DIP2A: variants seen among roughly 807,000 people sequenced by gnomAD.
DIP2A encodes the protein disco-interacting protein 2 homolog A.
A neutral mutation model predicts 177.4 loss-of-function variants in DIP2A; 85 were observed. That is an observed-to-expected ratio of 0.48 (90% CI 0.40 to 0.57). DIP2A has a LOEUF of 0.57. Among genes scored for constraint, DIP2A ranks in the 20% least tolerant of loss-of-function variants. The probability of loss-of-function intolerance (pLI) is 0.00; values close to 1 mark genes in which losing one functional copy is unlikely to be tolerated. For synonymous variants in DIP2A, 886 were observed against 881.8 expected (o/e 1.00, Z -0.08); for missense variants, 1,791 against 2,100.2 (o/e 0.85, Z 2.88).
chr21:46,557,293 C>G lies in DIP2A; in HGVS notation c.3629+224C>G. 4 of 634,704 alleles carry G rather than the reference C, an allele frequency of 6.3e-6. No individual in the cohort carries two copies. The highest frequency in any genetic ancestry group is 8.0e-6 in the Non-Finnish European group (3 of 374,428). The allele number at this position is 634,704 out of a possible 1,614,324, so 39.3% of individuals were successfully genotyped here. A position where few individuals can be genotyped will look rare whatever the true frequency, so the allele number is the denominator to read the frequency against. The stretch of plus-strand genomic sequence containing the variant: ...GTTATCAGTACTTGGGAAGAATCTG[C>G]TTGATTCCTTCAAACACTAGAAAGT... On this transcript the variant is annotated intron_variant, in intron 30 of 37. Transcript: ENST00000417564. This position sits in a 1 kb window ranked among gnomAD's most constrained non-coding sequence, Gnocchi z 6.0.
chr21:46,473,362 C>G (rs528883921), intron 1 of DIP2A, among the ~76,000 whole-genome samples: 1 of 150,800 alleles, frequency 6.6e-6, no homozygotes. Flanking sequence ...ATTTGATAGG[C>G]CGATGTGGGA....
At position 46,552,108 on chromosome 21, in the gene DIP2A, C is replaced by T. The variant is rs577879980; in HGVS notation, c.3030+204C>T. Among the ~76,000 whole-genome samples, 9 of 152,314 alleles carry T rather than the reference C, an allele frequency of 5.9e-5. No homozygotes were observed. In the South Asian group the frequency reaches 1.0e-3, roughly 18 times the overall value. On this transcript the variant is annotated intron_variant, in intron 25 of 37. Coordinates refer to ENST00000417564, the MANE Select transcript of DIP2A (RefSeq NM_015151.4). ...CAGCCCCCTTGTCTGGTGCGGTTCT[C>T]GCTGCCTGCCCTTTCCTTTCTTGTT... is the stretch of plus-strand genomic sequence containing the variant.
At chr21:46,565,909 C>T in intron 36 of DIP2A, 22 bp downstream of exon 36, 2 of 1,613,064 alleles carry the variant, frequency 1.2e-6, no homozygotes, top group Non-Finnish European at 1.7e-6. Flanking sequence ...TGGTGAAGCC[C>T]TGCGTGAGTG....
In DIP2A at chr21:46,459,228, C is replaced by G. The variant is rs1209698304; in HGVS notation, c.91+6C>G. 3 of 1,521,238 alleles carry G rather than the reference C, an allele frequency of 2.0e-6. No homozygotes were observed. Among genetic ancestry groups the G allele is most frequent in the Non-Finnish European group, 2.6e-6 (3 of 1,135,354 alleles). 94.2% of individuals were successfully genotyped at this position (1,521,238 alleles called of 1,614,324 possible). On this transcript the variant is annotated splice_donor_region_variant and intron_variant, in intron 1 of 37. Transcript: ENST00000417564. ...GGAGCTGGAGCTGTCGGAAGGTGAG[C>G]CGGACCCCGCCCTCAACCCCCGCGA...
rs1459050022 is a variant in DIP2A, at chr21:46,551,832, C to G, written c.2958C>G (p.Phe986Leu). The G allele has an allele frequency of 6.2e-7, 1 of 1,612,706 alleles. No homozygotes were observed. Among genetic ancestry groups the G allele is most frequent in the East Asian group, 2.2e-5 (1 of 44,824 alleles). Residue 986 changes from phenylalanine to leucine, a missense_variant, in exon 25 of 38, where the codon TTC (phenylalanine) becomes TTG (leucine). Transcript: ENST00000417564. The stretch of plus-strand genomic sequence containing the variant: ...GTCGCCCTCTCGTGCAGTTCCTGTT[C>G]CTGGCTGACGTGCTGCAGTGGCGTG... ...EDSDQARKFL[F>L]LADVLQWRAH...
At chr21:46,579,298 G>A in the DIP2A span, among the ~76,000 whole-genome samples, 1 of 152,092 alleles carries the variant, frequency 6.6e-6, no homozygotes, top group Non-Finnish European at 1.5e-5. Context: ...AGGGTCAGTG[G>A]TGATATTCTC....
chr21:46,548,189 T>TGTGC (rs1285051113), intron 21 of DIP2A, among the ~76,000 whole-genome samples: 1 of 149,942 alleles, frequency 6.7e-6, no homozygotes, highest in Non-Finnish European at 1.5e-5. Context: ...TGCGTGTGTG[T>TGTGC]GTGTGTGTGT....
In DIP2A at chr21:46,491,673, T is replaced by C. The variant is rs1409824318; in HGVS notation, c.283+954T>C. ...ATTTCACTGAGCACTGTTGTCCTCA[T>C]GCCTGGATGCAGATGCACGCACACA... On this transcript the variant is annotated intron_variant, in intron 3 of 37. Transcript: ENST00000417564. Among the ~76,000 whole-genome samples the C allele has an allele frequency of 4.6e-5, 7 of 152,216 alleles. No individual in the cohort carries two copies. In the East Asian group the frequency reaches 1.2e-3, roughly 25 times the overall value.
chr21:46,536,431 C>T (rs1406404168), intron 13 of DIP2A, among the ~76,000 whole-genome samples: 1 of 152,196 alleles, frequency 6.6e-6, no homozygotes, highest in Non-Finnish European at 1.5e-5. Context: ...GGAAGAGTGA[C>T]TTTCCGAAGG....
At chr21:46,477,001 C>G (rs941762313) in intron 1 of DIP2A, among the ~76,000 whole-genome samples, 2 of 152,100 alleles carry the variant, frequency 1.3e-5, no homozygotes, top group African/African-American at 2.4e-5. Flanking sequence ...CCCTGCTAGG[C>G]CGTGGATATG....
Position 46,561,737 on chromosome 21 carries a change from T to G in DIP2A, c.4032-11T>G. The G allele has an allele frequency of 6.2e-7, 1 of 1,613,974 alleles. No individual in the cohort carries two copies. The highest frequency in any genetic ancestry group is 8.5e-7 in the Non-Finnish European group (1 of 1,179,872). On this transcript the variant is annotated splice_polypyrimidine_tract_variant and intron_variant, in intron 33 of 37. Coordinates refer to ENST00000417564, the MANE Select transcript of DIP2A (RefSeq NM_015151.4). ...TAAATTTTGTACTGAAATTGTTCCC[T>G]TAATTTTTAGGGTTCGTTTGGTAGA...
At chr21:46,573,547 G>A (rs765918260), downstream of DIP2A, among the ~76,000 whole-genome samples, 1 of 148,834 alleles carries the variant, frequency 6.7e-6, no homozygotes, top group Non-Finnish European at 1.5e-5. Flanking sequence ...AGGAGGCTGA[G>A]GTGGGAATAT....
intron 28 of DIP2A, 84 bp from the exon 29 acceptor site, chr21:46,555,898 T>A: frequency 2.0e-6 from 2 of 1,016,928 alleles, no homozygotes; most frequent in Non-Finnish European, 3.1e-6. Flanking sequence ...GGACAAATCA[T>A]GTGTCGCCTC....
intron 23 of DIP2A, 43 bp from the exon 24 acceptor site, chr21:46,551,591 T>C (rs766599407): frequency 2.0e-6 from 3 of 1,538,118 alleles, no homozygotes; most frequent in East Asian, 2.3e-5. Context: ...TGTTTATATA[T>C]GAGAAGTCAC....
intron 35 of DIP2A, 107 bp downstream of exon 35, chr21:46,564,039 C>T: frequency 2.3e-6 from 3 of 1,301,962 alleles, no homozygotes; most frequent in Non-Finnish European, 3.2e-6. Context: ...CTTTGGGAAT[C>T]TACCAGAAAC....
At chr21:46,502,007 G>T (rs2057678289) in intron 5 of DIP2A, among the ~76,000 whole-genome samples, 1 of 152,156 alleles carries the variant, frequency 6.6e-6, no homozygotes, top group African/African-American at 2.4e-5. Flanking sequence ...ATATACTTCA[G>T]CTTTCTACAA....
In DIP2A at chr21:46,550,544, C is replaced by T. The variant is rs760012993; in HGVS notation, c.2639C>T (p.Ala880Val). 4 of 1,612,022 alleles carry T rather than the reference C, an allele frequency of 2.5e-6. No individual in the cohort carries two copies. The highest frequency in any genetic ancestry group is 3.4e-6 in the Non-Finnish European group (4 of 1,179,092). ...CCAAACAGGGTCCTTCCCTTTCAGG[C>T]CATTGATAGCATCCACCAGGTGGGC... ...SFQWMSRVLQ[A>V]IDSIHQVGVY... The change falls in exon 23 of 38, where the codon GCC (alanine) becomes GTC (valine). Residue 880 changes from alanine (A) to valine (V), a missense_variant and splice_region_variant. Coordinates refer to ENST00000417564, the MANE Select transcript of DIP2A (RefSeq NM_015151.4).
chr21:46,556,199 A>T lies in DIP2A; in HGVS notation c.3498+108A>T, dbSNP rs1175185042. On this transcript the variant is annotated intron_variant, in intron 29 of 37. Transcript: ENST00000417564. This position sits in a 1 kb window ranked among gnomAD's most constrained non-coding sequence, Gnocchi z 4.5. The stretch of plus-strand genomic sequence containing the variant: ...CTGACAGGTCCTTCTTATGCAAAGC[A>T]CAAAGCAACAATTTTGCTTCTTAAG... The T allele has an allele frequency of 7.1e-7, 1 of 1,400,124 alleles. No homozygotes were observed. Among genetic ancestry groups the T allele is most frequent in the East Asian group, 2.3e-5 (1 of 43,610 alleles). The allele number at this position is 1,400,124 out of a possible 1,614,324, so 86.7% of individuals were successfully genotyped here.
chr21:46,473,939 C>A (rs1410706893), intron 1 of DIP2A, among the ~76,000 whole-genome samples: 1 of 152,210 alleles, frequency 6.6e-6, no homozygotes, highest in Non-Finnish European at 1.5e-5. Flanking sequence ...TTGTCTCTTT[C>A]TGTCTCCCTC....
Sources: allele counts gnomAD v4.1 joint callset (sites outside exome capture counted in the v4.1 genomes callset), GRCh38; gene constraint gnomAD v4.1.1; non-coding constraint Gnocchi (gnomAD v3.1); transcripts MANE v1.5; gene names NCBI Gene and HGNC (gene_info 2026-07-23, HGNC 2026-07-21).